The following SLCO1B3 variants were observed in gnomAD, a reference collection of about 807,000 sequenced individuals.
SLCO1B3 encodes solute carrier organic anion transporter family member 1B3, also known as liver-specific organic anion transporter 2.
SLCO1B3 carries 72 observed loss-of-function variants against 71.8 expected under a neutral mutation model. The observed-to-expected ratio is 1.00, with a 90% confidence interval of 0.83 to 1.22. SLCO1B3 has a LOEUF of 1.22. Among genes scored for constraint, SLCO1B3 ranks in the 50% most tolerant of loss-of-function variants. The probability of loss-of-function intolerance (pLI) is 0.00; values close to 1 mark genes in which losing one functional copy is unlikely to be tolerated. For missense variants in SLCO1B3, 911 were observed against 819.7 expected, an observed-to-expected ratio of 1.11 and a Z score of -1.36; for synonymous variants, 298 against 278.4, an observed-to-expected ratio of 1.07 and a Z score of -0.70.
intron 3 of SLCO1B3, among the ~76,000 whole-genome samples, chr12:20,822,250 T>C (rs1864327653): frequency 6.6e-6 from 1 of 152,166 alleles, no homozygotes; most frequent in South Asian, 2.1e-4. Flanking sequence ...GCTGTTTATT[T>C]CACCTGGATG....
intron 3 of SLCO1B3, among the ~76,000 whole-genome samples, chr12:20,850,256 T>TA (rs1555154815): frequency 1.7e-4 from 24 of 143,058 alleles, no homozygotes; most frequent in Admixed American, 2.1e-4. Flanking sequence ...ATTATTATTA[T>TA]TTTATTTATT....
intron 3 of SLCO1B3, among the ~76,000 whole-genome samples, chr12:20,841,079 A>AT (rs201765407): frequency 2.7e-4 from 41 of 150,568 alleles, no homozygotes; most frequent in Admixed American, 1.5e-3. Context: ...ATTATAGTAC[A>AT]TTTTTTTTTC....
intron 3 of SLCO1B3, among the ~76,000 whole-genome samples, chr12:20,819,938 A>T (rs978773911): frequency 6.6e-6 from 1 of 152,142 alleles, no homozygotes; most frequent in East Asian, 1.9e-4. Context: ...GCTGTAGTCC[A>T]GGAATAGTCA....
Position 20,875,012 on chromosome 12 carries a change from A to G in SLCO1B3, c.728-223A>G, listed in dbSNP as rs1865548164. On this transcript the variant is annotated intron_variant, in intron 8 of 15. Transcript: ENST00000381545. ...GCACACAAGATCAGGCAATGCGAAC[A>G]GTGTCATGACTGACTCCTGGACAAT... Among the ~76,000 whole-genome samples the G allele has an allele frequency of 3.9e-5, 6 of 152,236 alleles. No individual in the cohort carries two copies. In the South Asian group the frequency reaches 1.2e-3, roughly 31 times the overall value.
intron 5 of SLCO1B3, 143 bp downstream of exon 5, chr12:20,858,714 T>A (rs1318444360): frequency 1.5e-6 from 1 of 663,000 alleles, no homozygotes; most frequent in Non-Finnish European, 2.4e-6. Flanking sequence ...GTATATTTCC[T>A]ATATAATAGT....
At chr12:20,901,493 T>A in intron 15 of SLCO1B3, 26 bp downstream of exon 15, 2 of 1,211,932 alleles carry the variant, frequency 1.7e-6, no homozygotes, top group Non-Finnish European at 2.3e-6. Flanking sequence ...CACATTTCAT[T>A]AATAGATTTT....
At chr12:20,859,713 A>G (rs1865215635) in intron 5 of SLCO1B3, among the ~76,000 whole-genome samples, 1 of 152,152 alleles carries the variant, frequency 6.6e-6, no homozygotes, top group Admixed American at 6.5e-5. Flanking sequence ...CTTAAATGCA[A>G]CTACCCCAGC....
chr12:20,830,855 C>G (rs1230114025), intron 3 of SLCO1B3, among the ~76,000 whole-genome samples: 3 of 152,130 alleles, frequency 2.0e-5, no homozygotes, highest in Non-Finnish European at 4.4e-5. Context: ...AGTGAATTAT[C>G]TTCTATTGTC....
chr12:20,914,708 C>T (rs952744291), intron 15 of SLCO1B3, among the ~76,000 whole-genome samples: 1 of 152,094 alleles, frequency 6.6e-6, no homozygotes, highest in Admixed American at 6.6e-5. Flanking sequence ...ACTGGCAAAA[C>T]AGTCCCTCAA....
Position 20,916,843 on chromosome 12 carries a change from C to T in SLCO1B3, c.*596C>T, listed in dbSNP as rs764711410. 5 of 152,048 alleles carry T rather than the reference C, an allele frequency of 3.3e-5. No homozygotes were observed. The highest frequency in any genetic ancestry group is 6.6e-5 in the Admixed American group (1 of 15,252). 9.4% of individuals were successfully genotyped at this position (152,048 alleles called of 1,614,324 possible). A position where few individuals can be genotyped will look rare whatever the true frequency, so the allele number is the denominator to read the frequency against. On this transcript the variant is annotated 3_prime_UTR_variant, in exon 16 of 16. Coordinates refer to ENST00000381545, the MANE Select transcript of SLCO1B3 (RefSeq NM_019844.4). ...AATTGTGAGACAACTTATTATAATA[C>T]GTGTTAAGTTTCTACTGGACCCATG...
intron 3 of SLCO1B3, among the ~76,000 whole-genome samples, chr12:20,831,354 ATC>A (rs1373884608): frequency 8.4e-6 from 1 of 118,578 alleles, no homozygotes. Flanking sequence ...GAGACGCCAT[ATC>A]AAAAAAAAAA....
At chr12:20,883,932 G>T (rs190173011) in intron 13 of SLCO1B3, among the ~76,000 whole-genome samples, 2 of 152,242 alleles carry the variant, frequency 1.3e-5, no homozygotes, top group East Asian at 3.9e-4. Context: ...GCATCCTAAT[G>T]AGCCAGTTAA....
chr12:20,812,200 C>T lies in SLCO1B3; in HGVS notation c.-180-1324C>T, dbSNP rs192060213. 3.9e-3 allele frequency among the ~76,000 whole-genome samples: 601 copies of T among 152,162 alleles called. 3 individuals are homozygous for T. Among genetic ancestry groups the T allele is most frequent in the African/African-American group, 0.013 (547 of 41,526 alleles). On this transcript the variant is annotated intron_variant, in intron 1 of 15. Transcript: ENST00000381545. ...GGGATTACAGGCATGAGTCACTGCT[C>T]CCGGCCTACTTGATACAATTTAACC...
At chr12:20,898,976 C>G (rs1866074902) in intron 14 of SLCO1B3, among the ~76,000 whole-genome samples, 1 of 152,130 alleles carries the variant, frequency 6.6e-6, no homozygotes, top group Non-Finnish European at 1.5e-5. Flanking sequence ...GCCTGGTCCT[C>G]TATGGCTGGA....
At chr12:20,902,574 G>A (rs1245973948) in intron 15 of SLCO1B3, among the ~76,000 whole-genome samples, 3 of 152,062 alleles carry the variant, frequency 2.0e-5, no homozygotes, top group African/African-American at 7.2e-5. Flanking sequence ...TGAGAGGAGG[G>A]TGAAGAAACA....
intron 3 of SLCO1B3, among the ~76,000 whole-genome samples, chr12:20,830,758 G>C (rs982897395): frequency 6.6e-6 from 1 of 152,152 alleles, no homozygotes. Context: ...TGTTTTCTGA[G>C]CTATCTGGTA....
Position 20,861,132 on chromosome 12 carries a change from G to A in SLCO1B3, c.475G>A (p.Glu159Lys), listed in dbSNP as rs1309712016. 4 of 1,578,710 alleles carry A rather than the reference G, an allele frequency of 2.5e-6. No individual in the cohort carries two copies. The highest frequency in any genetic ancestry group is 1.9e-5 in the Admixed American group (1 of 51,806). The change falls in exon 6 of 16, where the codon GAA (glutamate) becomes AAA (lysine). Residue 159 changes from glutamate (E) to lysine (K), a missense_variant. By Grantham distance (56) the Glu-to-Lys change is moderately conservative. Coordinates refer to ENST00000381545, the MANE Select transcript of SLCO1B3 (RefSeq NM_019844.4). The part of the protein sequence containing the change: ...SFNGTSPEIV[E>K]KDCVKESGSH... Reference sequence around the variant, plus strand: ...CAATGGAACATCACCTGAGATAGTAGAAAAAGGTAAGAATTAATAGTGACA... The same window carrying A: ...CAATGGAACATCACCTGAGATAGTAAAAAAAGGTAAGAATTAATAGTGACA...
chr12:20,888,399 G>A (rs79040900), intron 13 of SLCO1B3, among the ~76,000 whole-genome samples: 4,675 of 151,706 alleles, frequency 0.031, 210 homozygotes, highest in African/African-American at 0.1. Flanking sequence ...AGTTCTCCTC[G>A]TAGAGACTTT....
At chr12:20,841,282 GA>G (rs1362800011) in intron 3 of SLCO1B3, among the ~76,000 whole-genome samples, 1 of 151,912 alleles carries the variant, frequency 6.6e-6, no homozygotes, top group African/African-American at 2.4e-5. Context: ...CTTGATGTTA[GA>G]AAAAAATGGC....
Sources: allele counts gnomAD v4.1 joint callset (sites outside exome capture counted in the v4.1 genomes callset), GRCh38; gene constraint gnomAD v4.1.1; transcripts MANE v1.5; gene names NCBI Gene and HGNC (gene_info 2026-07-23, HGNC 2026-07-21).